The following SOX5 variants were observed in gnomAD, a reference collection of about 807,000 sequenced individuals.
SOX5 encodes SRY-box transcription factor 5, also known as transcription factor SOX-5.
In SOX5, 9 loss-of-function variants were observed where a neutral mutation model predicts 92.0. The observed-to-expected ratio is 0.10, with a 90% CI of 0.06 to 0.17. The LOEUF is 0.17. SOX5 is among the 10% of genes least tolerant of loss of function. The pLI, the probability that SOX5 is intolerant of heterozygous loss-of-function variation, is 1.00. For synonymous variants in SOX5, 344 were observed against 336.3 expected, an observed-to-expected ratio of 1.02 and a Z score of -0.25; for missense variants, 642 against 944.5, an observed-to-expected ratio of 0.68 and a Z score of 4.20.
intron 8 of SOX5, among the ~76,000 whole-genome samples, chr12:23,637,073 A>G (rs1320609737): frequency 6.6e-6 from 1 of 152,200 alleles, no homozygotes; most frequent in Non-Finnish European, 1.5e-5. Flanking sequence ...ACTTTACATG[A>G]GTTAAAATCA....
At chr12:24,069,737 T>C (rs1382757533) in intron 4 of SOX5, among the ~76,000 whole-genome samples, 1 of 152,184 alleles carries the variant, frequency 6.6e-6, no homozygotes, top group Non-Finnish European at 1.5e-5. Context: ...TTTTCTTTTC[T>C]CCCCAATGTG....
intron 3 of SOX5, among the ~76,000 whole-genome samples, chr12:24,245,582 A>C (rs928640849): frequency 6.6e-6 from 1 of 152,060 alleles, no homozygotes; most frequent in Non-Finnish European, 1.5e-5. Context: ...GTGGATTAAA[A>C]TCTGATTTGG....
chr12:23,602,471 C>T (rs2074635718), intron 9 of SOX5, among the ~76,000 whole-genome samples: 4 of 152,004 alleles, frequency 2.6e-5, no homozygotes, highest in Admixed American at 6.6e-5. Context: ...GGCTGACTGA[C>T]ATCAAAAGCT....
chr12:24,182,078 T>C (rs568647021), intron 4 of SOX5, among the ~76,000 whole-genome samples: 1 of 152,306 alleles, frequency 6.6e-6, no homozygotes, highest in South Asian at 2.1e-4. Flanking sequence ...TCTCAAGTAA[T>C]CTTCTTTGAA....
chr12:24,213,079 G>GA (rs1958814369), intron 4 of SOX5, among the ~76,000 whole-genome samples: 1 of 152,024 alleles, frequency 6.6e-6, no homozygotes, highest in Admixed American at 6.6e-5. Context: ...AAAAAATATA[G>GA]AAAAAATATA....
intron 6 of SOX5, among the ~76,000 whole-genome samples, chr12:23,677,616 G>C (rs2085920636): frequency 6.6e-6 from 1 of 152,088 alleles, no homozygotes; most frequent in South Asian, 2.1e-4. Context: ...CAAATCAATA[G>C]CTGCATCCTT....
intron 4 of SOX5, among the ~76,000 whole-genome samples, chr12:24,200,685 G>C (rs1034380724): frequency 6.6e-6 from 1 of 152,102 alleles, no homozygotes; most frequent in African/African-American, 2.4e-5. Flanking sequence ...TAATGCCCCA[G>C]AGTAATTTAG....
intron 4 of SOX5, among the ~76,000 whole-genome samples, chr12:23,747,537 A>G (rs1235177019): frequency 2.6e-5 from 4 of 152,072 alleles, no homozygotes; most frequent in Non-Finnish European, 5.9e-5. Context: ...TCTTTTGTCA[A>G]TATGCTTCTA....
chr12:24,180,126 T>G (rs1262363560), intron 4 of SOX5, among the ~76,000 whole-genome samples: 1 of 152,072 alleles, frequency 6.6e-6, no homozygotes, highest in Non-Finnish European at 1.5e-5. Context: ...CCCAGGTAAC[T>G]TTTAATGTTT....
chr12:24,343,775 C>T (rs1037250968), intron 2 of SOX5, among the ~76,000 whole-genome samples: 6 of 152,086 alleles, frequency 3.9e-5, no homozygotes, highest in African/African-American at 1.4e-4. Flanking sequence ...GTTGGAGGGG[C>T]TGATTTGTGG....
intron 1 of SOX5, among the ~76,000 whole-genome samples, chr12:23,937,104 A>G (rs576186331): frequency 6.6e-6 from 1 of 151,206 alleles, no homozygotes; most frequent in Admixed American, 6.6e-5. Flanking sequence ...TATAACCTCA[A>G]CAAATCAATA....
chr12:24,562,303 A>T (rs1954455758), intron 1 of SOX5: 1 of 152,238 alleles, frequency 6.6e-6, no homozygotes, highest in Non-Finnish European at 1.5e-5. Context: ...CGGGACGAAC[A>T]ACAAAGTTAA....
At chr12:24,379,727 T>C (rs1957626392) in intron 1 of SOX5, among the ~76,000 whole-genome samples, 1 of 152,084 alleles carries the variant, frequency 6.6e-6, no homozygotes, top group South Asian at 2.1e-4. Flanking sequence ...CCCAACTACA[T>C]TCCTGTCCTT....
chr12:23,766,297 G>A (rs2094724111), intron 3 of SOX5, among the ~76,000 whole-genome samples: 1 of 152,024 alleles, frequency 6.6e-6, no homozygotes, highest in Admixed American at 6.6e-5. Context: ...AAACTACATG[G>A]ATAAGAATAG....
At chr12:23,757,444 C>T (rs551927660) in intron 3 of SOX5, among the ~76,000 whole-genome samples, 4 of 151,894 alleles carry the variant, frequency 2.6e-5, no homozygotes, top group East Asian at 1.9e-4. Context: ...TCTTCATTGA[C>T]GCTTTAAAAG....
chr12:24,004,887 G>T (rs1050296377), intron 4 of SOX5, among the ~76,000 whole-genome samples: 2 of 151,942 alleles, frequency 1.3e-5, no homozygotes, highest in South Asian at 2.1e-4. Flanking sequence ...ATGGGTGAAA[G>T]AATAAACAAA....
intron 4 of SOX5, among the ~76,000 whole-genome samples, chr12:24,118,589 C>G (rs1295222650): frequency 6.6e-6 from 1 of 151,624 alleles, no homozygotes; most frequent in Non-Finnish European, 1.5e-5. Context: ...AAAAAAAAAG[C>G]CTAGGAAATC....
intron 3 of SOX5, among the ~76,000 whole-genome samples, chr12:23,767,215 AAC>A (rs35485466): frequency 0.33 from 44,873 of 137,606 alleles, 7,126 homozygotes; most frequent in East Asian, 0.59. Context: ...AAAAAACAGA[AAC>A]ACACACACAC....
At chr12:24,463,037 G>A (rs1238085493) in intron 1 of SOX5, among the ~76,000 whole-genome samples, 3 of 152,074 alleles carry the variant, frequency 2.0e-5, no homozygotes, top group Non-Finnish European at 4.4e-5. Context: ...GGGTAACACA[G>A]TGAGACTCTG....
Sources: allele counts gnomAD v4.1 joint callset (sites outside exome capture counted in the v4.1 genomes callset), GRCh38; gene constraint gnomAD v4.1.1; transcripts MANE v1.5; gene names NCBI Gene and HGNC (gene_info 2026-07-23, HGNC 2026-07-21).